The following NEGR1 variants were observed in gnomAD, a reference collection of about 807,000 sequenced individuals.
The protein encoded by NEGR1 is neuronal growth regulator 1, also known as IgLON family member 4.
Under a neutral mutation model 40.9 loss-of-function variants are expected in NEGR1, and 10 were observed. The ratio of observed to expected loss-of-function variants is 0.24; its 90% CI spans 0.15 to 0.42. The LOEUF (loss-of-function observed/expected upper bound fraction) is 0.42. NEGR1 is among the 10% of genes least tolerant of loss of function. The pLI is 1.00. For synonymous variants in NEGR1, 185 were observed against 166.8 expected (o/e 1.11, Z -0.84); for missense variants, 352 against 438.9 (o/e 0.80, Z 1.77).
At chr1:72,034,743 C>A (rs1295426727) in intron 1 of NEGR1, among the ~76,000 whole-genome samples, 2 of 152,122 alleles carry the variant, frequency 1.3e-5, no homozygotes, top group Non-Finnish European at 2.9e-5. Context: ...GAATGATTTT[C>A]ACAACATGAC....
At chr1:71,644,403 C>CT (rs1273370684) in intron 4 of NEGR1, among the ~76,000 whole-genome samples, 6 of 151,938 alleles carry the variant, frequency 3.9e-5, no homozygotes, top group Admixed American at 3.9e-4. Context: ...CTAGGCTTCT[C>CT]TTTTTTCCAT....
chr1:72,214,198 T>C lies in NEGR1; in HGVS notation c.176+68121A>G, dbSNP rs576406960. ...TGATAAAAACTCTCAATAAACTATATATTGATGGAATGTATCTCAAAATAC... is the reference window on the plus strand; with the variant it reads ...TGATAAAAACTCTCAATAAACTATACATTGATGGAATGTATCTCAAAATAC... On this transcript the variant is annotated intron_variant, in intron 1 of 6. Coordinates refer to ENST00000357731, the MANE Select transcript of NEGR1 (RefSeq NM_173808.3). Among the ~76,000 whole-genome samples, 7 of 152,184 alleles carry C rather than the reference T, an allele frequency of 4.6e-5. 1 individual carries two copies. In the South Asian group the frequency reaches 1.5e-3, roughly 32 times the overall value.
At chr1:71,956,385 C>A (rs1029930609) in intron 1 of NEGR1, among the ~76,000 whole-genome samples, 1 of 151,974 alleles carries the variant, frequency 6.6e-6, no homozygotes, top group African/African-American at 2.4e-5. Flanking sequence ...ATCATCAAAC[C>A]AAGAGAACAA....
intron 1 of NEGR1, among the ~76,000 whole-genome samples, chr1:71,959,648 T>C (rs1167106773): frequency 2.0e-5 from 3 of 152,158 alleles, no homozygotes; most frequent in Non-Finnish European, 4.4e-5. Context: ...ATCATCCTCT[T>C]TAACAGTTAT....
intron 6 of NEGR1, among the ~76,000 whole-genome samples, chr1:71,549,539 A>G (rs183747407): frequency 6.6e-6 from 1 of 151,816 alleles, no homozygotes; most frequent in Admixed American, 6.6e-5. Context: ...TAGAATCTCT[A>G]AAATACTTTT....
intron 3 of NEGR1, among the ~76,000 whole-genome samples, chr1:71,716,918 T>C (rs1435494391): frequency 6.6e-6 from 1 of 152,152 alleles, no homozygotes; most frequent in African/African-American, 2.4e-5. Context: ...TGAAATAACA[T>C]ATTATTTATT....
At chr1:72,195,647 AT>A (rs11392148) in intron 1 of NEGR1, among the ~76,000 whole-genome samples, 59 of 148,584 alleles carry the variant, frequency 4.0e-4, no homozygotes, top group South Asian at 1.9e-3. Flanking sequence ...GGAAGTTAAG[AT>A]TTTTTTTTTT....
At chr1:71,758,784 T>G in intron 3 of NEGR1, among the ~76,000 whole-genome samples, 1 of 152,240 alleles carries the variant, frequency 6.6e-6, no homozygotes, top group Non-Finnish European at 1.5e-5. Flanking sequence ...TTTTAAAAAA[T>G]CGTTATTAAG....
chr1:72,022,726 C>T (rs1054655248), intron 1 of NEGR1, among the ~76,000 whole-genome samples: 2 of 151,960 alleles, frequency 1.3e-5, no homozygotes, highest in African/African-American at 2.4e-5. Context: ...TATAATCTGA[C>T]AAGAAAAATA....
At chr1:71,427,681 A>C (rs1646437231) in intron 6 of NEGR1, among the ~76,000 whole-genome samples, 1 of 152,214 alleles carries the variant, frequency 6.6e-6, no homozygotes, top group Non-Finnish European at 1.5e-5. Context: ...TAAGTAGTTA[A>C]ATATTTGTTA....
At position 71,690,619 on chromosome 1, in the gene NEGR1, C is replaced by CAGAGAGAGAGAGAGAGAG. The variant is rs59019409; in HGVS notation, c.667+7371_667+7388dup. Among the ~76,000 whole-genome samples the CAGAGAGAGAGAGAGAGAG allele has an allele frequency of 5.0e-3, 341 of 67,618 alleles. 23 individuals carry two copies. Among genetic ancestry groups the CAGAGAGAGAGAGAGAGAG allele is most frequent in the Middle Eastern group, 0.026 (2 of 78 alleles). The allele number at this position is 67,618 out of a possible 152,430, so 44.4% of individuals were successfully genotyped here. ...ACACACATATATATATAGAGGGAGA[C>CAGAGAGAGAGAGAGAGAG]AGAGAGAGAGAGAGAGAGAGAGAGA... On this transcript the variant is annotated intron_variant, in intron 4 of 6. Coordinates refer to ENST00000357731, the MANE Select transcript of NEGR1 (RefSeq NM_173808.3).
In NEGR1 at chr1:71,698,041, G is replaced by A; in HGVS notation, c.634C>T (p.Pro212Ser). 1 of 1,611,364 alleles carries A rather than the reference G, an allele frequency of 6.2e-7. No homozygotes were observed. The highest frequency in any genetic ancestry group is 8.5e-7 in the Non-Finnish European group (1 of 1,178,180). ...ECSAENDVSF[P>S]DVRKVKVVVN... ...ACAACTTTTACTTTCCTCACATCTG[G>A]GAATGACACATCATTTTCCGCACTG... is the stretch of plus-strand genomic sequence containing the variant. The change falls in exon 4 of 7, where the codon CCA becomes TCA. Residue 212 changes from proline (P) to serine (S), a missense_variant. By Grantham distance (74) the Pro-to-Ser change is moderately conservative (BLOSUM62 -1). Around this residue, in one of 5 missense-constraint regions of NEGR1, gnomAD observed 184 missense variants for 208.7 expected, o/e 0.88. Transcript: ENST00000357731.
At chr1:71,845,387 A>G (rs913562017) in intron 2 of NEGR1, among the ~76,000 whole-genome samples, 1 of 152,128 alleles carries the variant, frequency 6.6e-6, no homozygotes, top group Non-Finnish European at 1.5e-5. Flanking sequence ...AGATCTTGAG[A>G]TGGGTAGGAG....
At chr1:71,433,568 G>A (rs1332946058) in intron 6 of NEGR1, among the ~76,000 whole-genome samples, 1 of 152,220 alleles carries the variant, frequency 6.6e-6, no homozygotes, top group Non-Finnish European at 1.5e-5. Flanking sequence ...GAGGTGAAAG[G>A]CACTGCTTAC....
At chr1:71,470,326 A>T (rs1193784225) in intron 6 of NEGR1, among the ~76,000 whole-genome samples, 2 of 152,054 alleles carry the variant, frequency 1.3e-5, no homozygotes, top group Admixed American at 6.6e-5. Flanking sequence ...GGTACTTTGT[A>T]GCTTAAGGAG....
intron 1 of NEGR1, among the ~76,000 whole-genome samples, chr1:72,041,410 C>A (rs1452606382): frequency 7.1e-6 from 1 of 141,498 alleles, no homozygotes; most frequent in African/African-American, 2.5e-5. Context: ...CTAATTCATT[C>A]CTTCTCTTTT....
chr1:71,957,215 C>T (rs1420974432), intron 1 of NEGR1, among the ~76,000 whole-genome samples: 2 of 152,106 alleles, frequency 1.3e-5, no homozygotes, highest in Non-Finnish European at 2.9e-5. Context: ...CAGAGAGTTT[C>T]ACTTTGTCCA....
chr1:72,150,005 T>A (rs949619580), intron 1 of NEGR1, among the ~76,000 whole-genome samples: 1 of 151,972 alleles, frequency 6.6e-6, no homozygotes, highest in African/African-American at 2.4e-5. Context: ...ATCAGACTTA[T>A]GTTGAAAAAG....
At chr1:71,632,104 G>T (rs748704425) in intron 4 of NEGR1, among the ~76,000 whole-genome samples, 1 of 151,628 alleles carries the variant, frequency 6.6e-6, no homozygotes, top group Non-Finnish European at 1.5e-5. Context: ...TGAAAATGAG[G>T]TGCTATTGCA....
Sources: gnomAD v4.1 joint callset for allele counts (sites outside exome capture counted in the v4.1 genomes callset) on GRCh38, gnomAD v4.1.1 for gene constraint, gnomAD v4.1.1 regional missense constraint, MANE v1.5 for transcripts, NCBI Gene and HGNC (gene_info 2026-07-23, HGNC 2026-07-21) for gene names.